The following SESTD1 variants were observed in gnomAD, a reference collection of about 807,000 sequenced individuals.
The protein encoded by SESTD1 is SEC14 domain and spectrin repeat-containing protein 1.
Under a neutral mutation model 101.7 loss-of-function variants are expected in SESTD1, and 43 were observed. The ratio of observed to expected loss-of-function variants is 0.42; its 90% CI spans 0.33 to 0.55. The LOEUF (loss-of-function observed/expected upper bound fraction) is 0.55. Ranked by LOEUF, SESTD1 falls within the 20% of genes least tolerant of loss-of-function variation. The pLI is 0.07. For missense variants in SESTD1, 647 were observed against 815.1 expected, an observed-to-expected ratio of 0.79 and a Z score of 2.51; for synonymous variants, 283 against 286.8, an observed-to-expected ratio of 0.99 and a Z score of 0.13.
In SESTD1 at chr2:179,236,323, T is replaced by TAAA. The variant is rs552456681; in HGVS notation, c.-26+28173_-26+28175dup. On this transcript the variant is annotated intron_variant, in intron 1 of 17. Coordinates refer to ENST00000428443, the MANE Select transcript of SESTD1 (RefSeq NM_178123.5). ...GGCAACATAGTGAGACCTCATCTCT[T>TAAA]AAAAAAAAAAAAAAAAAAAAAAAAA... is the stretch of plus-strand genomic sequence containing the variant. 3.0e-3 allele frequency among the ~76,000 whole-genome samples: 203 copies of TAAA among 66,728 alleles called. 7 individuals carry two copies. Among genetic ancestry groups the TAAA allele is most frequent in the Non-Finnish European group, 4.0e-3 (150 of 37,728 alleles). 43.8% of individuals were successfully genotyped at this position (66,728 alleles called of 152,430 possible).
chr2:179,132,468 A>C (rs2045034188), intron 9 of SESTD1, 42 bp from the exon 10 acceptor site: 1 of 1,531,092 alleles, frequency 6.5e-7, no homozygotes, highest in Non-Finnish European at 8.7e-7. Context: ...AAGAATCAGA[A>C]ACTTTTCAAA....
At chr2:179,231,594 A>C (rs1053976105) in intron 1 of SESTD1, among the ~76,000 whole-genome samples, 3 of 151,886 alleles carry the variant, frequency 2.0e-5, no homozygotes, top group African/African-American at 7.2e-5. Flanking sequence ...CAATGTACAC[A>C]GTATTTATAA....
At chr2:179,131,347 A>AT in intron 10 of SESTD1, among the ~76,000 whole-genome samples, 1 of 152,180 alleles carries the variant, frequency 6.6e-6, no homozygotes, top group South Asian at 2.1e-4. Context: ...CATATTACTT[A>AT]TTCTTTAATC....
intron 1 of SESTD1, among the ~76,000 whole-genome samples, chr2:179,194,078 T>A (rs749272479): frequency 6.6e-6 from 1 of 152,192 alleles, no homozygotes; most frequent in Non-Finnish European, 1.5e-5. Flanking sequence ...TGGCCTTTCT[T>A]TTACTCTCTC....
intron 1 of SESTD1, among the ~76,000 whole-genome samples, chr2:179,221,710 G>A (rs956326225): frequency 4.6e-5 from 7 of 151,164 alleles, no homozygotes; most frequent in African/African-American, 1.7e-4. Flanking sequence ...ATGAGCCTAC[G>A]AGTTTGAGAC....
At chr2:179,112,681 A>ATT in intron 17 of SESTD1, 43 bp downstream of exon 17, 1 of 1,540,644 alleles carries the variant, frequency 6.5e-7, no homozygotes, top group Non-Finnish European at 8.7e-7. Flanking sequence ...TCACTTTAAG[A>ATT]CCACACCAAT....
At chr2:179,136,623 G>A (rs2045151547) in intron 9 of SESTD1, among the ~76,000 whole-genome samples, 1 of 151,888 alleles carries the variant, frequency 6.6e-6, no homozygotes, top group African/African-American at 2.4e-5. Context: ...AAATATCTAA[G>A]TTCTAAAAAT....
chr2:179,226,656 T>G (rs2046890629), intron 1 of SESTD1, among the ~76,000 whole-genome samples: 1 of 152,162 alleles, frequency 6.6e-6, no homozygotes, highest in Non-Finnish European at 1.5e-5. Context: ...AAGAAACAGA[T>G]TCCAAAGATT....
chr2:179,235,121 C>A (rs1426524229), intron 1 of SESTD1, among the ~76,000 whole-genome samples: 1 of 151,946 alleles, frequency 6.6e-6, no homozygotes, highest in South Asian at 2.1e-4. Context: ...GGAAATACTG[C>A]AAAATTTAAA....
chr2:179,246,345 G>A (rs2047231483), intron 1 of SESTD1, among the ~76,000 whole-genome samples: 2 of 151,738 alleles, frequency 1.3e-5, no homozygotes, highest in Non-Finnish European at 2.9e-5. Flanking sequence ...TGATAAAAGG[G>A]CCAATTCATC....
intron 1 of SESTD1, among the ~76,000 whole-genome samples, chr2:179,229,570 T>C (rs1184765323): frequency 1.3e-5 from 2 of 151,848 alleles, no homozygotes; most frequent in African/African-American, 4.8e-5. Context: ...TCTATGTAAC[T>C]CTCCATCCTT....
At chr2:179,145,186 A>G (rs1241250904) in intron 8 of SESTD1, among the ~76,000 whole-genome samples, 2 of 152,162 alleles carry the variant, frequency 1.3e-5, no homozygotes, top group African/African-American at 4.8e-5. Context: ...GAATATCAGA[A>G]TACATTTATT....
At chr2:179,176,746 A>G (rs2046019198) in intron 3 of SESTD1, among the ~76,000 whole-genome samples, 1 of 152,208 alleles carries the variant, frequency 6.6e-6, no homozygotes, top group African/African-American at 2.4e-5. Flanking sequence ...AAATGTTCAC[A>G]ATTTACAAAC....
At chr2:179,139,214 C>A (rs959252953) in intron 9 of SESTD1, among the ~76,000 whole-genome samples, 28 of 152,224 alleles carry the variant, frequency 1.8e-4, no homozygotes, top group African/African-American at 6.7e-4. Context: ...TGTTTAATCA[C>A]CTCCACTCTA....
At chr2:179,246,979 T>A (rs928476942) in intron 1 of SESTD1, among the ~76,000 whole-genome samples, 2 of 152,184 alleles carry the variant, frequency 1.3e-5, no homozygotes, top group African/African-American at 4.8e-5. Flanking sequence ...TTATATATAT[T>A]TTTTATTTTT....
At chr2:179,231,705 T>C (rs994744095) in intron 1 of SESTD1, among the ~76,000 whole-genome samples, 3 of 100,766 alleles carry the variant, frequency 3.0e-5, no homozygotes, top group Non-Finnish European at 6.4e-5. Flanking sequence ...TAAAACAGTA[T>C]AGACCAAAAA....
intron 5 of SESTD1, among the ~76,000 whole-genome samples, chr2:179,166,864 C>T (rs2105468807): frequency 6.6e-6 from 1 of 152,342 alleles, no homozygotes; most frequent in South Asian, 2.1e-4. Context: ...CCAAAGCCAA[C>T]TCAATTCCTG....
intron 5 of SESTD1, among the ~76,000 whole-genome samples, chr2:179,163,309 T>C (rs989896250): frequency 2.6e-5 from 4 of 152,148 alleles, no homozygotes; most frequent in Admixed American, 2.6e-4. Context: ...TAACATATGC[T>C]TTATCAATTT....
At chr2:179,225,018 A>C (rs2046864127) in intron 1 of SESTD1, among the ~76,000 whole-genome samples, 1 of 152,212 alleles carries the variant, frequency 6.6e-6, no homozygotes, top group Non-Finnish European at 1.5e-5. Context: ...AGTCAGTAAC[A>C]CAGGTCACAA....
Sources: allele counts gnomAD v4.1 joint callset (sites outside exome capture counted in the v4.1 genomes callset), GRCh38; gene constraint gnomAD v4.1.1; transcripts MANE v1.5; gene names NCBI Gene and HGNC (gene_info 2026-07-23, HGNC 2026-07-21).